UBE2B: variants seen among roughly 807,000 people sequenced by gnomAD.
UBE2B encodes ubiquitin conjugating enzyme E2 B.
UBE2B carries 11 observed loss-of-function variants against 24.6 expected under a neutral mutation model. The observed-to-expected ratio is 0.45, with a 90% CI of 0.28 to 0.74. The LOEUF (loss-of-function observed/expected upper bound fraction) is 0.74. Ranked by LOEUF, UBE2B falls within the 30% of genes least tolerant of loss-of-function variation. UBE2B has a pLI of 0.13. For synonymous variants in UBE2B, 68 were observed against 62.4 expected, an observed-to-expected ratio of 1.09 and a Z score of -0.42; for missense variants, 78 against 185.6, an observed-to-expected ratio of 0.42 and a Z score of 3.37.
At chr5:134,374,673 G>A (rs1758569049) in intron 2 of UBE2B, 2 of 546,056 alleles carry the variant, frequency 3.7e-6, no homozygotes, top group Admixed American at 3.0e-5. Context: ...CTGGAGCCCA[G>A]GAGTTCACCA....
chr5:134,374,131 C>A (rs1283201710), intron 1 of UBE2B, among the ~76,000 whole-genome samples: 1 of 152,106 alleles, frequency 6.6e-6, no homozygotes, highest in Admixed American at 6.5e-5. Flanking sequence ...TGCATCAATT[C>A]TTGAAGAGAT....
chr5:134,375,886 CAAAT>C (rs1205933606), intron 2 of UBE2B, among the ~76,000 whole-genome samples: 3 of 143,702 alleles, frequency 2.1e-5, no homozygotes, highest in Non-Finnish European at 4.5e-5. Flanking sequence ...TCTGAGCAAA[CAAAT>C]CTGGCTTTTT....
intron 3 of UBE2B, among the ~76,000 whole-genome samples, 193 bp downstream of exon 3, chr5:134,376,887 A>G (rs140962769): frequency 6.6e-6 from 1 of 152,318 alleles, no homozygotes; most frequent in East Asian, 1.9e-4. Context: ...GGTAACCAAT[A>G]TTAAAGGTTA....
chr5:134,371,673 C>G (rs773574318), intron 1 of UBE2B, 34 bp downstream of exon 1: 8 of 1,612,958 alleles, frequency 5.0e-6, no homozygotes, highest in Non-Finnish European at 6.8e-6. Context: ...GATGACGGCC[C>G]CTCAAAGCTG....
At chr5:134,376,157 A>C (rs1758598762) in intron 2 of UBE2B, among the ~76,000 whole-genome samples, 1 of 149,626 alleles carries the variant, frequency 6.7e-6, no homozygotes, top group African/African-American at 2.5e-5. Context: ...AATATGGTGA[A>C]ACCCCGTTTC....
chr5:134,373,789 C>T (rs1462858903), intron 1 of UBE2B, among the ~76,000 whole-genome samples: 2 of 152,170 alleles, frequency 1.3e-5, no homozygotes, highest in Non-Finnish European at 2.9e-5. Flanking sequence ...CCAGCTTCAT[C>T]CATGTCCCTA....
At chr5:134,376,346 A>T (rs71585557) in intron 2 of UBE2B, among the ~76,000 whole-genome samples, 2,286 of 6,058 alleles carry the variant, frequency 0.38, 403 homozygotes, top group East Asian at 0.67. Context: ...AAAAAAAAAA[A>T]AAATATATAT....
intron 4 of UBE2B, among the ~76,000 whole-genome samples, chr5:134,381,902 A>G (rs572505274): frequency 3.9e-5 from 6 of 152,252 alleles, no homozygotes; most frequent in African/African-American, 1.4e-4. Flanking sequence ...TGAGCTCACA[A>G]CACTGCACTT....
At chr5:134,376,465 A>G (rs1758612697) in intron 2 of UBE2B, among the ~76,000 whole-genome samples, 1 of 147,526 alleles carries the variant, frequency 6.8e-6, no homozygotes, top group Non-Finnish European at 1.5e-5. Context: ...CACCCTAAAA[A>G]GAAAGCTTAG....
chr5:134,375,731 C>T (rs1266708292), intron 2 of UBE2B, among the ~76,000 whole-genome samples: 10 of 126,880 alleles, frequency 7.9e-5, no homozygotes, highest in Non-Finnish European at 1.4e-4. Flanking sequence ...CCCCAGGGGG[C>T]GGAGGCTGCA....
chr5:134,378,928 CA>C (rs796702530), intron 3 of UBE2B, among the ~76,000 whole-genome samples: 10,852 of 71,904 alleles, frequency 0.15, 318 homozygotes, highest in South Asian at 0.26. Flanking sequence ...GACTCCATCT[CA>C]AAAAAAAAAA....
At chr5:134,375,797 C>CAAAAAA (rs775635194) in intron 2 of UBE2B, among the ~76,000 whole-genome samples, 5 of 29,888 alleles carry the variant, frequency 1.7e-4, no homozygotes, top group Non-Finnish European at 3.0e-4. Context: ...GACTCCGTCT[C>CAAAAAA]AAAAAAAAAA....
Position 134,390,424 on chromosome 5 carries a change from A to C in UBE2B, c.*71A>C, listed in dbSNP as rs1758882262. 1 of 1,590,516 alleles carries C rather than the reference A, an allele frequency of 6.3e-7. No homozygotes were observed. The highest frequency in any genetic ancestry group is 8.6e-7 in the Non-Finnish European group (1 of 1,161,810). ...TTACCTCTCATTAGAAAGGCTAACA[A>C]ATTTTAAGTGCCACAGGTTTTAAGG... On this transcript the variant is annotated 3_prime_UTR_variant, in exon 6 of 6. Transcript: ENST00000265339. This position sits in a 1 kb window ranked among gnomAD's most constrained non-coding sequence, Gnocchi z 4.6.
chr5:134,389,525 A>G (rs1437796323), intron 5 of UBE2B, among the ~76,000 whole-genome samples: 6 of 151,718 alleles, frequency 4.0e-5, no homozygotes, highest in Non-Finnish European at 7.4e-5. Flanking sequence ...CTTTCAAATT[A>G]TAGGTATTTT....
chr5:134,381,776 A>G (rs1292091926), intron 4 of UBE2B, among the ~76,000 whole-genome samples: 2 of 151,914 alleles, frequency 1.3e-5, no homozygotes. Flanking sequence ...AAACCCCATC[A>G]CTACTAAAAA....
At chr5:134,374,596 GA>G (rs201082370) in intron 2 of UBE2B, 133 bp downstream of exon 2, 1,022 of 945,086 alleles carry the variant, frequency 1.1e-3, no homozygotes, top group Non-Finnish European at 1.3e-3. Context: ...AGATAAATTA[GA>G]AAAAAAAAAT....
chr5:134,380,324 C>A (rs1758688124), intron 3 of UBE2B, among the ~76,000 whole-genome samples: 1 of 152,232 alleles, frequency 6.6e-6, no homozygotes, highest in African/African-American at 2.4e-5. Flanking sequence ...CTCACTGCAA[C>A]CTCCACCTCC....
rs1758850843 is a variant in UBE2B at position 134,388,830 on chromosome 5, A to G, written c.330+417A>G. ...ATTTCAGAATAGATCTTTGAATGAAAATTTAGGAGGGGTGGAGTGAGGGGT... is the reference window on the plus strand; with the variant it reads ...ATTTCAGAATAGATCTTTGAATGAAGATTTAGGAGGGGTGGAGTGAGGGGT... On this transcript the variant is annotated intron_variant, in intron 5 of 5. Transcript: ENST00000265339. 29 of 310,860 alleles carry G rather than the reference A, an allele frequency of 9.3e-5. 1 individual carries two copies. The highest frequency in any genetic ancestry group is 7.9e-4 in the South Asian group (29 of 36,914). 19.3% of individuals were successfully genotyped at this position (310,860 alleles called of 1,614,324 possible).
intron 3 of UBE2B, among the ~76,000 whole-genome samples, chr5:134,378,496 A>T (rs1024115817): frequency 5.3e-5 from 8 of 152,182 alleles, no homozygotes; most frequent in African/African-American, 1.9e-4. Context: ...TCCTGACCTC[A>T]GGTGATCTGC....
Sources: gnomAD v4.1 joint callset for allele counts (sites outside exome capture counted in the v4.1 genomes callset) on GRCh38, gnomAD v4.1.1 for gene constraint, Gnocchi (gnomAD v3.1) non-coding constraint, MANE v1.5 for transcripts, NCBI Gene and HGNC (gene_info 2026-07-23, HGNC 2026-07-21) for gene names.